Variants in MGAT5B observed in about 807,000 individuals in gnomAD.
MGAT5B encodes the protein alpha-1,6-mannosylglycoprotein 6-beta-N-acetylglucosaminyltransferase B.
In MGAT5B, 54 loss-of-function variants were observed where a neutral mutation model predicts 95.1. The ratio of observed to expected loss-of-function variants is 0.57; its 90% confidence interval spans 0.46 to 0.71. The LOEUF is 0.71. Ranked by LOEUF, MGAT5B falls within the 30% of genes least tolerant of loss-of-function variation. MGAT5B has a pLI of 0.00. For synonymous variants in MGAT5B, 464 were observed against 451.0 expected (o/e 1.03, Z -0.36); for missense variants, 935 against 1,088.6 (o/e 0.86, Z 1.99).
chr17:76,896,284 G>T (rs1968062391), intron 3 of MGAT5B, among the ~76,000 whole-genome samples: 1 of 152,236 alleles, frequency 6.6e-6, no homozygotes, highest in Admixed American at 6.5e-5. Flanking sequence ...TGTGCAAATG[G>T]TAAGTCCAGT....
rs1369640306 is a variant in MGAT5B, at chr17:76,947,850, C to A, written c.1944C>A (p.Asp648Glu). 1 of 1,585,562 alleles carries A rather than the reference C, an allele frequency of 6.3e-7. No individual in the cohort carries two copies. Among genetic ancestry groups the A allele is most frequent in the Admixed American group, 1.8e-5 (1 of 56,720 alleles). ...IQHQDFCRAP[D>E]PALPEAHAPQ... ...TGCAGGACTTCTGCAGAGCTCCAGA[C>A]CCTGCCCTACCAGAGGCCCACGCCC... Residue 648 changes from aspartate to glutamate, a missense_variant, in exon 17 of 18, where the codon GAC (aspartate) becomes GAA (glutamate). Transcript: ENST00000569840.
chr17:76,873,516 G>A (rs903524811), intron 2 of MGAT5B, among the ~76,000 whole-genome samples: 1 of 152,246 alleles, frequency 6.6e-6, no homozygotes, highest in Non-Finnish European at 1.5e-5. Flanking sequence ...CCTACCAGCT[G>A]TGTGCCTTTG....
rs1267604703 is a variant in MGAT5B at position 76,931,000 on chromosome 17, G to A, written c.1292-1645G>A. Among the ~76,000 whole-genome samples, 1 of 152,234 alleles carries A rather than the reference G, an allele frequency of 6.6e-6. No homozygotes were observed. Among genetic ancestry groups the A allele is most frequent in the Non-Finnish European group, 1.5e-5 (1 of 68,046 alleles). ...CCCCTGTCTCATCCATCTTTGTCCA[G>A]CATTCATAAAGCCAGCCCAGGCTCT... is the stretch of plus-strand genomic sequence containing the variant. On this transcript the variant is annotated intron_variant, in intron 10 of 17. Coordinates refer to ENST00000569840, the MANE Select transcript of MGAT5B (RefSeq NM_001199172.2). This position sits in a 1 kb window ranked among gnomAD's most constrained non-coding sequence, Gnocchi z 4.1.
At chr17:76,922,139 A>T (rs1969141875) in intron 8 of MGAT5B, among the ~76,000 whole-genome samples, 1 of 152,128 alleles carries the variant, frequency 6.6e-6, no homozygotes, top group African/African-American at 2.4e-5. Context: ...GGGGCAGCAA[A>T]AGGAAGCTCC....
At chr17:76,872,545 A>C in intron 1 of MGAT5B, 10 of 894,652 alleles carry the variant, frequency 1.1e-5, no homozygotes, top group Non-Finnish European at 1.5e-5. Flanking sequence ...CACTTTCAGG[A>C]CTGCAGCTGT....
In MGAT5B at chr17:76,932,768, T is replaced by C. The variant is rs962705005; in HGVS notation, c.1415T>C (p.Ile472Thr). 1 of 1,613,558 alleles carries C rather than the reference T, an allele frequency of 6.2e-7. No homozygotes were observed. The highest frequency in any genetic ancestry group is 8.5e-7 in the Non-Finnish European group (1 of 1,179,822). Reference protein sequence around the residue: ...MAVVYGKEASIWKLQGKEKFL... With the variant: ...MAVVYGKEASTWKLQGKEKFL... ...GTGGTGTACGGCAAGGAGGCGAGCA[T>C]CTGGAAGGTGAGCGCGGCCCCTGCG... The change falls in exon 11 of 18, where the codon ATC becomes ACC. Residue 472 changes from isoleucine to threonine, a missense_variant. Ile to Thr is a moderately conservative substitution (Grantham distance 89, BLOSUM62 -1). Transcript: ENST00000569840.
chr17:76,916,276 G>A lies in MGAT5B; in HGVS notation c.1026-8690G>A, dbSNP rs1292348249. ...CCCTCATGCTCCACGCGCTGCGCTG[G>A]CGTCACAGGGAGTCTGTTTCTTGCA... is the stretch of plus-strand genomic sequence containing the variant. On this transcript the variant is annotated intron_variant, in intron 8 of 17. Coordinates refer to ENST00000569840, the MANE Select transcript of MGAT5B (RefSeq NM_001199172.2). The surrounding 1 kb of genome is among the most constrained non-coding windows in gnomAD (Gnocchi z 5.3). Among the ~76,000 whole-genome samples the A allele has an allele frequency of 1.3e-5, 2 of 152,214 alleles. No homozygotes were observed. Among genetic ancestry groups the A allele is most frequent in the Non-Finnish European group, 2.9e-5 (2 of 68,038 alleles).
At chr17:76,933,246 GCTGTCTCTCTCT>G in intron 11 of MGAT5B, 34 bp from the exon 12 acceptor site, 1 of 1,598,010 alleles carries the variant, frequency 6.3e-7, no homozygotes, top group Non-Finnish European at 8.5e-7. Context: ...TCACTAACCT[GCTGTCTCTCTCT>G]CTGTTCCTTG....
In MGAT5B at chr17:76,940,938, A is replaced by C. The variant is rs75351597; in HGVS notation, c.1848+90A>C. ...AGAAAACGGTGCCCCCCTCTGGGTG[A>C]GTTCAGACTTGCAGGCCTGGGTTGG... On this transcript the variant is annotated intron_variant, in intron 15 of 17. Coordinates refer to ENST00000569840, the MANE Select transcript of MGAT5B (RefSeq NM_001199172.2). The surrounding 1 kb of genome is among the most constrained non-coding windows in gnomAD (Gnocchi z 4.3). 0.068 allele frequency: 75,700 copies of C among 1,110,638 alleles called. 2,797 individuals carry two copies. The highest frequency in any genetic ancestry group is 0.097 in the South Asian group (7,078 of 72,972). 68.8% of individuals were successfully genotyped at this position (1,110,638 alleles called of 1,614,324 possible). A position where few individuals can be genotyped will look rare whatever the true frequency, so the allele number is the denominator to read the frequency against.
chr17:76,871,337 G>A (rs555698489), intron 1 of MGAT5B, among the ~76,000 whole-genome samples: 10 of 152,264 alleles, frequency 6.6e-5, no homozygotes, highest in Admixed American at 1.3e-4. Context: ...TCCGTGAGGC[G>A]TCCCTCTGCG....
At chr17:76,883,075 G>A (rs1251390123) in intron 3 of MGAT5B, among the ~76,000 whole-genome samples, 2 of 151,876 alleles carry the variant, frequency 1.3e-5, no homozygotes, top group Non-Finnish European at 2.9e-5. Context: ...TTGGCTCACT[G>A]CAACCTCTGC....
intron 8 of MGAT5B, among the ~76,000 whole-genome samples, chr17:76,920,455 C>T (rs892190078): frequency 2.0e-5 from 3 of 152,186 alleles, no homozygotes; most frequent in African/African-American, 7.2e-5. Flanking sequence ...CAGCCAATCA[C>T]TTAGCGTAAA....
In MGAT5B at chr17:76,908,085, T is replaced by TA. The variant is rs1361064179; in HGVS notation, c.1025+1904dup. On this transcript the variant is annotated intron_variant, in intron 8 of 17. Transcript: ENST00000569840. Reference sequence around the variant, plus strand: ...TAAATTCTGTGGAAGTTACATGTGTTAAAAAAGTCTTCTAATTTGTGGCTT... The same window carrying TA: ...TAAATTCTGTGGAAGTTACATGTGTTAAAAAAAGTCTTCTAATTTGTGGCTT... Among the ~76,000 whole-genome samples, 9 of 152,294 alleles carry TA rather than the reference T, an allele frequency of 5.9e-5. No homozygotes were observed. In the East Asian group the frequency reaches 1.3e-3, roughly 23 times the overall value.
chr17:76,869,115 T>C lies in MGAT5B; in HGVS notation c.68+18T>C, dbSNP rs374020775. On this transcript the variant is annotated intron_variant, in intron 1 of 17. Coordinates refer to ENST00000569840, the MANE Select transcript of MGAT5B (RefSeq NM_001199172.2). The surrounding 1 kb of genome is among the most constrained non-coding windows in gnomAD (Gnocchi z 7.0). ...CCCTTTCGGTAAAGTTCCCTCCTGG[T>C]TGGTTTTTTCCCCAGGGGGGCGCCG... is the stretch of plus-strand genomic sequence containing the variant. 6.7e-5 allele frequency: 108 copies of C among 1,613,014 alleles called. No homozygotes were observed. The African/African-American group carries it at 1.3e-3, about 20-fold the overall frequency.
At position 76,905,551 on chromosome 17, in the gene MGAT5B, C is replaced by T. The variant is rs941049130; in HGVS notation, c.855+218C>T. The stretch of plus-strand genomic sequence containing the variant: ...ACCAAATGACAAGCCCCCAAGAGGT[C>T]CTGCATTCTGTGTACATCTGGTTCA... On this transcript the variant is annotated intron_variant, in intron 7 of 17. Coordinates refer to ENST00000569840, the MANE Select transcript of MGAT5B (RefSeq NM_001199172.2). The surrounding 1 kb of genome is among the most constrained non-coding windows in gnomAD (Gnocchi z 4.2). 6.6e-6 allele frequency among the ~76,000 whole-genome samples: 1 copy of T among 152,272 alleles called. No individual in the cohort carries two copies. Among genetic ancestry groups the T allele is most frequent in the African/African-American group, 2.4e-5 (1 of 41,546 alleles).
chr17:76,910,197 G>A (rs1437261748), intron 8 of MGAT5B, among the ~76,000 whole-genome samples: 1 of 152,200 alleles, frequency 6.6e-6, no homozygotes, highest in Non-Finnish European at 1.5e-5. Context: ...GTCAGATCCA[G>A]CTGTTCGCAC....
chr17:76,868,689 GCGC>G lies in MGAT5B; in HGVS notation c.-337_-335del, dbSNP rs1568157024. ...CGCCCGCCGCGGGGAGCCCGTCTGC[GCGC>G]CGCGGCACCTTCCCGCCCAGCGAGC... On this transcript the variant is annotated 5_prime_UTR_variant, in exon 1 of 18. Transcript: ENST00000569840. The surrounding 1 kb of genome is among the most constrained non-coding windows in gnomAD (Gnocchi z 6.3). The G allele has an allele frequency of 6.6e-6, 1 of 152,378 alleles. No individual in the cohort carries two copies. Among genetic ancestry groups the G allele is most frequent in the African/African-American group, 2.4e-5 (1 of 41,246 alleles). 9.4% of individuals were successfully genotyped at this position (152,378 alleles called of 1,614,324 possible).
rs1970110880 is a variant in MGAT5B at position 76,948,641 on chromosome 17, CT to C, written c.2183del (p.Leu728ArgfsTer12). On this transcript the variant is annotated frameshift_variant and splice_region_variant, in exon 18 of 18. Coordinates refer to ENST00000569840, the MANE Select transcript of MGAT5B (RefSeq NM_001199172.2). LOFTEE classifies it high-confidence loss of function. ...FLNSQDAFLK[L>X]QVPCDSTESE... ...ACGGTGCTGTGTGGTCCCTGCCAGGCTGCAGGTGCCCTGTGACAGCACCGAG... is the reference window on the plus strand; with the variant it reads ...ACGGTGCTGTGTGGTCCCTGCCAGGCGCAGGTGCCCTGTGACAGCACCGAG... 6.2e-7 allele frequency: 1 copy of C among 1,610,636 alleles called. No individual in the cohort carries two copies. Among genetic ancestry groups the C allele is most frequent in the African/African-American group, 1.3e-5 (1 of 74,934 alleles).
intron 3 of MGAT5B, among the ~76,000 whole-genome samples, chr17:76,896,193 A>T (rs933092989): frequency 7.9e-5 from 12 of 152,228 alleles, no homozygotes; most frequent in Non-Finnish European, 1.8e-4. Flanking sequence ...AGGCTTTACG[A>T]CATCTACTTT....
Sources: gnomAD v4.1 joint callset for allele counts (sites outside exome capture counted in the v4.1 genomes callset) on GRCh38, gnomAD v4.1.1 for gene constraint, Gnocchi (gnomAD v3.1) non-coding constraint, MANE v1.5 for transcripts, NCBI Gene and HGNC (gene_info 2026-07-23, HGNC 2026-07-21) for gene names.